N4BP2: variants seen among roughly 807,000 people sequenced by gnomAD.
N4BP2 encodes the protein NEDD4 binding protein 2, also known as NEDD4-binding protein 2.
In N4BP2, 91 loss-of-function variants were observed where a neutral mutation model predicts 152.8. The ratio of observed to expected loss-of-function variants is 0.60; its 90% CI spans 0.50 to 0.71. N4BP2 has a LOEUF of 0.71. Among genes scored for constraint, N4BP2 ranks in the 30% least tolerant of loss-of-function variants. The pLI, the probability that N4BP2 is intolerant of heterozygous loss-of-function variation, is 0.00. For synonymous variants in N4BP2, 646 were observed against 705.3 expected (o/e 0.92, Z 1.33); for missense variants, 1,923 against 2,059.1 (o/e 0.93, Z 1.28).
chr4:40,100,154 C>G (rs1039604641), intron 3 of N4BP2: 1 of 442,740 alleles, frequency 2.3e-6, no homozygotes, highest in African/African-American at 2.0e-5. Flanking sequence ...CCCCATATTA[C>G]AAATGAGAAA....
chr4:40,180,177 A>C, the N4BP2 span, among the ~76,000 whole-genome samples: 1 of 152,206 alleles, frequency 6.6e-6, no homozygotes, highest in Non-Finnish European at 1.5e-5. Flanking sequence ...GTAACATATA[A>C]ACAGATTATT....
At chr4:40,179,527 T>G in the N4BP2 span, among the ~76,000 whole-genome samples, 62,812 of 151,968 alleles carry the variant, frequency 0.41, 13,545 homozygotes, top group Admixed American at 0.49. Context: ...ACAACAGCCA[T>G]AAGAGGTGTA....
chr4:40,161,613 AAG>A (rs1436651152), downstream of N4BP2, among the ~76,000 whole-genome samples: 1 of 152,212 alleles, frequency 6.6e-6, no homozygotes, highest in Non-Finnish European at 1.5e-5. Context: ...ATTTTTAAAA[AAG>A]AGATACATGC....
rs1042384991 is a variant in N4BP2 at position 40,120,389 on chromosome 4, G to A, written c.2278G>A (p.Ala760Thr). ...ACCTGGTGAAATAGTGGAAGAAAGA[G>A]CAACAGTAACGAAAAAAGCCTTTGG... is the stretch of plus-strand genomic sequence containing the variant. Reference protein sequence around the residue: ...SSPGEIVEERATVTKKAFGKQ... With the variant: ...SSPGEIVEERTTVTKKAFGKQ... The change falls in exon 9 of 18, where the codon GCA becomes ACA. Residue 760 changes from alanine (A) to threonine (T), a missense_variant. Transcript: ENST00000261435. 6.2e-7 allele frequency: 1 copy of A among 1,613,682 alleles called. No individual in the cohort carries two copies. The highest frequency in any genetic ancestry group is 1.3e-5 in the African/African-American group (1 of 74,884).
the N4BP2 span, chr4:40,167,157 C>T: frequency 6.6e-6 from 1 of 152,174 alleles, no homozygotes; most frequent in African/African-American, 2.4e-5. Context: ...AAAAGCATTA[C>T]TCTGCCTTTT....
the N4BP2 span, among the ~76,000 whole-genome samples, chr4:40,169,697 G>A: frequency 6.6e-6 from 1 of 151,530 alleles, no homozygotes; most frequent in East Asian, 1.9e-4. Context: ...GGGTGTGGTG[G>A]CTCTCGCTTG....
intron 4 of N4BP2, among the ~76,000 whole-genome samples, chr4:40,104,955 A>G (rs1716108083): frequency 6.6e-6 from 1 of 151,680 alleles, no homozygotes; most frequent in South Asian, 2.1e-4. Context: ...AGCCACTGCC[A>G]CCGCGCCTGG....
intron 13 of N4BP2, among the ~76,000 whole-genome samples, chr4:40,132,412 G>A (rs774911357): frequency 2.0e-5 from 3 of 152,006 alleles, no homozygotes; most frequent in Non-Finnish European, 4.4e-5. Context: ...ACCTTTTTAT[G>A]TATGTGGTAT....
chr4:40,156,419 A>G lies in N4BP2; in HGVS notation c.*2182A>G, dbSNP rs537004977. ...GCCTTATTTTGATAAATCAAATAGTATATCTTAATCATTGTTGATAAATAT... is the reference window on the plus strand; with the variant it reads ...GCCTTATTTTGATAAATCAAATAGTGTATCTTAATCATTGTTGATAAATAT... On this transcript the variant is annotated 3_prime_UTR_variant, in exon 18 of 18. Transcript: ENST00000261435. 4 of 152,312 alleles carry G rather than the reference A, an allele frequency of 2.6e-5. No homozygotes were observed. The highest frequency in any genetic ancestry group is 4.4e-5 in the Non-Finnish European group (3 of 68,000). 9.4% of individuals were successfully genotyped at this position (152,312 alleles called of 1,614,324 possible).
chr4:40,163,908 A>G, the N4BP2 span, among the ~76,000 whole-genome samples: 23 of 152,346 alleles, frequency 1.5e-4, no homozygotes, highest in African/African-American at 5.5e-4. Context: ...TTTCCCGGCT[A>G]TTAATAGCAG....
the N4BP2 span, among the ~76,000 whole-genome samples, chr4:40,181,076 G>A: frequency 6.6e-6 from 1 of 152,154 alleles, no homozygotes; most frequent in Non-Finnish European, 1.5e-5. Context: ...CTTGAACCTG[G>A]GAGGCAGAGG....
chr4:40,175,896 T>C, the N4BP2 span, among the ~76,000 whole-genome samples: 10 of 149,600 alleles, frequency 6.7e-5, no homozygotes, highest in South Asian at 2.1e-4. Context: ...CGAGACCATC[T>C]TGGCTAACAC....
intron 1 of N4BP2, among the ~76,000 whole-genome samples, chr4:40,057,707 T>G (rs1733319150): frequency 6.6e-6 from 1 of 152,156 alleles, no homozygotes. Context: ...TGGAAATTCA[T>G]CCTCAATAGA....
At chr4:40,112,773 G>A (rs764686885) in intron 6 of N4BP2, among the ~76,000 whole-genome samples, 1 of 151,720 alleles carries the variant, frequency 6.6e-6, no homozygotes, top group South Asian at 2.1e-4. Context: ...GCGTGATCTC[G>A]GCTTACTGCA....
chr4:40,132,411 T>C (rs1182411251), intron 13 of N4BP2, among the ~76,000 whole-genome samples: 1 of 152,184 alleles, frequency 6.6e-6, no homozygotes, highest in Middle Eastern at 3.2e-3. Flanking sequence ...TACCTTTTTA[T>C]GTATGTGGTA....
chr4:40,102,911 C>G lies in N4BP2; in HGVS notation c.1066C>G (p.Pro356Ala). 1 of 1,614,196 alleles carries G rather than the reference C, an allele frequency of 6.2e-7. No individual in the cohort carries two copies. The highest frequency in any genetic ancestry group is 8.5e-7 in the Non-Finnish European group (1 of 1,180,040). Residue 356 changes from proline (P) to alanine (A), a missense_variant, in exon 4 of 18, where the codon CCT becomes GCT. Coordinates refer to ENST00000261435, the MANE Select transcript of N4BP2 (RefSeq NM_018177.6). ...VLAPLPLLLP[P>A]PPPPPMWNPM... ...TGCTCCTCTCCCATTGCTGTTGCCTCCTCCGCCACCTCCACCGATGTGGAA... is the reference window on the plus strand; with the variant it reads ...TGCTCCTCTCCCATTGCTGTTGCCTGCTCCGCCACCTCCACCGATGTGGAA...
chr4:40,082,522 C>G (rs576081708), intron 2 of N4BP2, among the ~76,000 whole-genome samples: 1 of 152,122 alleles, frequency 6.6e-6, no homozygotes, highest in African/African-American at 2.4e-5. Context: ...TAGGAAAATG[C>G]AAATCAAAAC....
chr4:40,069,546 G>T (rs962460403), intron 1 of N4BP2, among the ~76,000 whole-genome samples: 1 of 152,036 alleles, frequency 6.6e-6, no homozygotes, highest in Non-Finnish European at 1.5e-5. Flanking sequence ...TATGGAGTGT[G>T]CCCTGCTTTA....
At chr4:40,090,932 CAAAAA>C (rs869229637) in intron 2 of N4BP2, among the ~76,000 whole-genome samples, 5 of 14,586 alleles carry the variant, frequency 3.4e-4, no homozygotes, top group African/African-American at 1.4e-3. Flanking sequence ...GACTCAGTCT[CAAAAA>C]AAAAAAAAAA....
Sources: allele counts gnomAD v4.1 joint callset (sites outside exome capture counted in the v4.1 genomes callset), GRCh38; gene constraint gnomAD v4.1.1; transcripts MANE v1.5; gene names NCBI Gene and HGNC (gene_info 2026-07-23, HGNC 2026-07-21).